The following ASTN1 variants were observed in gnomAD, a reference collection of about 807,000 sequenced individuals.
ASTN1 encodes the protein astrotactin 1.
ASTN1 carries 41 observed loss-of-function variants against 140.7 expected under a neutral mutation model. That is an observed-to-expected ratio of 0.29 (90% CI 0.23 to 0.38). The LOEUF (loss-of-function observed/expected upper bound fraction) is 0.38, where lower values mean the gene tolerates loss of function less well. Among genes scored for constraint, ASTN1 ranks in the 10% least tolerant of loss-of-function variants. The pLI is 1.00. For missense variants in ASTN1, 1,479 were observed against 1,678.8 expected (o/e 0.88, Z 2.08); for synonymous variants, 640 against 652.2 (o/e 0.98, Z 0.29).
Position 177,024,591 on chromosome 1 carries a change from A to G in ASTN1, c.1262T>C (p.Ile421Thr). Residue 421 changes from isoleucine to threonine, a missense_variant, in exon 6 of 23, where the codon ATT becomes ACT. Around this residue, in one of 3 missense-constraint regions of ASTN1, gnomAD observed 729 missense variants for 860.4 expected, o/e 0.85. Coordinates refer to ENST00000361833, the MANE Select transcript of ASTN1 (RefSeq NM_004319.3). ...CAGAAGAACAGGCTCACCATCAGCA[A>G]TCAGGTGCTCAGGGACATGCAGGGT... Reference protein sequence around the residue: ...KITLHVPEHLIADGSRFILLE... With the variant: ...KITLHVPEHLTADGSRFILLE... The G allele has an allele frequency of 6.2e-7, 1 of 1,613,890 alleles. No homozygotes were observed. Among genetic ancestry groups the G allele is most frequent in the Non-Finnish European group, 8.5e-7 (1 of 1,179,858 alleles).
chr1:176,926,892 C>T (rs946056642), intron 16 of ASTN1, among the ~76,000 whole-genome samples: 12 of 152,266 alleles, frequency 7.9e-5, no homozygotes, highest in East Asian at 5.8e-4. Flanking sequence ...CTAGGCTGTC[C>T]GCATTCACAG....
chr1:177,112,440 T>C (rs1680866567), intron 1 of ASTN1, among the ~76,000 whole-genome samples: 2 of 152,298 alleles, frequency 1.3e-5, no homozygotes, highest in South Asian at 2.1e-4. Context: ...TCCTAAAGGA[T>C]TCTGTGTATT....
chr1:176,974,674 C>T (rs557821662), intron 8 of ASTN1, among the ~76,000 whole-genome samples: 65 of 152,206 alleles, frequency 4.3e-4, no homozygotes, highest in Non-Finnish European at 7.1e-4. Context: ...TGTGAGCCAC[C>T]GCACCCAGCC....
At chr1:176,870,006 T>C (rs1668274988) in intron 21 of ASTN1, among the ~76,000 whole-genome samples, 1 of 152,240 alleles carries the variant, frequency 6.6e-6, no homozygotes, top group African/African-American at 2.4e-5. Flanking sequence ...ATTTAATTTA[T>C]GTCTCTGATA....
rs1431374196 is a variant in ASTN1, at chr1:177,098,008, C to T, written c.284-36743G>A. Among the ~76,000 whole-genome samples the T allele has an allele frequency of 2.0e-5, 3 of 152,092 alleles. No individual in the cohort carries two copies. In the East Asian group the frequency reaches 5.8e-4, roughly 29 times the overall value. ...TCTCTTGACTATTTCTGAGTTGTAC[C>T]CACAATAATAAACTGGTAAATGTAA... On this transcript the variant is annotated intron_variant, in intron 1 of 22. Coordinates refer to ENST00000361833, the MANE Select transcript of ASTN1 (RefSeq NM_004319.3).
At chr1:176,892,996 A>G (rs1669329923) in intron 17 of ASTN1, among the ~76,000 whole-genome samples, 1 of 152,192 alleles carries the variant, frequency 6.6e-6, no homozygotes, top group Non-Finnish European at 1.5e-5. Flanking sequence ...ATCTCTTAAA[A>G]CTGGTGCAGG....
intron 1 of ASTN1, among the ~76,000 whole-genome samples, chr1:177,100,832 C>G (rs924806638): frequency 6.6e-6 from 1 of 152,134 alleles, no homozygotes; most frequent in Non-Finnish European, 1.5e-5. Flanking sequence ...GTGGCTCGTG[C>G]CTGTAATCTC....
At position 176,902,061 on chromosome 1, in the gene ASTN1, G is replaced by A. The variant is rs576064338; in HGVS notation, c.2672-7231C>T. On this transcript the variant is annotated intron_variant, in intron 16 of 22. Coordinates refer to ENST00000361833, the MANE Select transcript of ASTN1 (RefSeq NM_004319.3). ...CGGTCCCTCAAGAGCAGTATCTATA[G>A]GTACTGTAAGGTCCACTGAGATAAT... is the stretch of plus-strand genomic sequence containing the variant. Among the ~76,000 whole-genome samples the A allele has an allele frequency of 3.9e-5, 6 of 152,278 alleles. No individual in the cohort carries two copies. The East Asian group carries it at 1.2e-3, about 29-fold the overall frequency.
At position 177,148,204 on chromosome 1, in the gene ASTN1, G is replaced by T. The variant is rs183086498; in HGVS notation, c.283+16190C>A. 5.8e-3 allele frequency among the ~76,000 whole-genome samples: 879 copies of T among 152,166 alleles called. 9 individuals carry two copies. Among genetic ancestry groups the T allele is most frequent in the African/African-American group, 0.02 (843 of 41,494 alleles). On this transcript the variant is annotated intron_variant, in intron 1 of 22. Coordinates refer to ENST00000361833, the MANE Select transcript of ASTN1 (RefSeq NM_004319.3). The stretch of plus-strand genomic sequence containing the variant: ...GAGGCCGAGGCAGGCGGATCACAAG[G>T]TCAGGAGATCAAGACCATCCTGGCT...
chr1:176,946,136 G>A lies in ASTN1; in HGVS notation c.2055-16C>T. ...CTCGATGCACCTAGCACAGAGGAGA[G>A]CTCAATATAAGAAGTTATTCCATCA... is the stretch of plus-strand genomic sequence containing the variant. On this transcript the variant is annotated splice_polypyrimidine_tract_variant and intron_variant, in intron 12 of 22. Coordinates refer to ENST00000361833, the MANE Select transcript of ASTN1 (RefSeq NM_004319.3). 1 of 1,556,118 alleles carries A rather than the reference G, an allele frequency of 6.4e-7. No homozygotes were observed. Among genetic ancestry groups the A allele is most frequent in the Non-Finnish European group, 8.8e-7 (1 of 1,142,332 alleles).
chr1:176,999,755 C>T (rs1324445335), intron 8 of ASTN1, among the ~76,000 whole-genome samples: 1 of 152,010 alleles, frequency 6.6e-6, no homozygotes, highest in Non-Finnish European at 1.5e-5. Flanking sequence ...GGCAGTTTCC[C>T]CATATTGTTC....
intron 1 of ASTN1, among the ~76,000 whole-genome samples, chr1:177,095,791 C>G (rs997122096): frequency 6.6e-6 from 1 of 152,108 alleles, no homozygotes; most frequent in East Asian, 1.9e-4. Context: ...GCAGGGCCAC[C>G]CTTGCAACTC....
intron 8 of ASTN1, among the ~76,000 whole-genome samples, chr1:176,973,956 C>T (rs920759113): frequency 2.0e-5 from 3 of 152,212 alleles, no homozygotes; most frequent in African/African-American, 7.2e-5. Context: ...CACAGATCCT[C>T]AACTTCTTCA....
intron 20 of ASTN1, among the ~76,000 whole-genome samples, chr1:176,881,488 C>A (rs1405549476): frequency 4.6e-5 from 7 of 152,168 alleles, no homozygotes; most frequent in Admixed American, 3.9e-4. Flanking sequence ...TGAGCCTTTA[C>A]TATAAATGAT....
intron 16 of ASTN1, 89 bp from the exon 17 acceptor site, chr1:176,894,919 T>C: frequency 6.5e-7 from 1 of 1,538,898 alleles, no homozygotes; most frequent in Non-Finnish European, 8.9e-7. Context: ...TGGGGTCCAA[T>C]CTTTGGGATC....
At chr1:176,915,887 A>G (rs1490350853) in intron 16 of ASTN1, among the ~76,000 whole-genome samples, 2 of 152,244 alleles carry the variant, frequency 1.3e-5, no homozygotes, top group African/African-American at 4.8e-5. Context: ...CAATTAAAAG[A>G]TAACAAGAAA....
At position 177,032,494 on chromosome 1, in the gene ASTN1, T is replaced by G. The variant is rs761335559; in HGVS notation, c.827A>C (p.Gln276Pro). 6.2e-7 allele frequency: 1 copy of G among 1,614,130 alleles called. No homozygotes were observed. Among genetic ancestry groups the G allele is most frequent in the African/African-American group, 1.3e-5 (1 of 75,050 alleles). Residue 276 changes from glutamine (Q) to proline (P), a missense_variant, in exon 3 of 23, where the codon CAG (glutamine) becomes CCG (proline). Transcript: ENST00000361833. ...CATCCCCGACTTTTCATTGCAGCCC[T>G]GCAGGGAGTCGAGGGTGCGCGTGAC... ...SQVTRTLDSL[Q>P]GCNEKSGMDL... is the part of the protein sequence containing the mutation.
At chr1:176,931,121 G>C (rs761186883) in intron 16 of ASTN1, among the ~76,000 whole-genome samples, 1 of 152,164 alleles carries the variant, frequency 6.6e-6, no homozygotes, top group African/African-American at 2.4e-5. Context: ...ACATGGGGAC[G>C]GGGAGGTTGA....
At chr1:177,056,887 C>T (rs943823316) in intron 2 of ASTN1, among the ~76,000 whole-genome samples, 2 of 152,094 alleles carry the variant, frequency 1.3e-5, no homozygotes, top group Non-Finnish European at 2.9e-5. Context: ...AAACCATTTG[C>T]CTTTTAACTG....
Sources: gnomAD v4.1 joint callset for allele counts (sites outside exome capture counted in the v4.1 genomes callset) on GRCh38, gnomAD v4.1.1 for gene constraint, gnomAD v4.1.1 regional missense constraint, MANE v1.5 for transcripts, NCBI Gene and HGNC (gene_info 2026-07-23, HGNC 2026-07-21) for gene names.